The following AMOTL1 variants were observed in gnomAD, a reference collection of about 807,000 sequenced individuals.
The protein encoded by AMOTL1 is angiomotin-like protein 1.
A neutral mutation model predicts 102.9 loss-of-function variants in AMOTL1; 45 were observed. The observed-to-expected ratio is 0.44, with a 90% CI of 0.34 to 0.56. AMOTL1 has a LOEUF of 0.56. Among genes scored for constraint, AMOTL1 ranks in the 20% least tolerant of loss-of-function variants. The pLI is 0.01. For synonymous variants in AMOTL1, 481 were observed against 484.7 expected (o/e 0.99, Z 0.10); for missense variants, 1,114 against 1,225.6 (o/e 0.91, Z 1.36).
chr11:94,713,350 T>C (rs938090018), intron 1 of AMOTL1, among the ~76,000 whole-genome samples: 8 of 151,956 alleles, frequency 5.3e-5, no homozygotes, highest in Admixed American at 5.2e-4. Context: ...TCAAAAGTTT[T>C]AGAGATCCTT....
chr11:94,727,098 C>T (rs1391451579), intron 1 of AMOTL1, among the ~76,000 whole-genome samples: 1 of 152,152 alleles, frequency 6.6e-6, no homozygotes, highest in Non-Finnish European at 1.5e-5. Flanking sequence ...ACCTAGGCCA[C>T]TGGGCCAAGA....
At position 94,756,964 on chromosome 11, in the gene AMOTL1, T is replaced by C. The variant is rs1950733418; in HGVS notation, c.136+15976T>C. Reference sequence around the variant, plus strand: ...TTCATTTGGGTATAGTTATAATTACTAATTTACCTAAAATACCTAACCTAG... The same window carrying C: ...TTCATTTGGGTATAGTTATAATTACCAATTTACCTAAAATACCTAACCTAG... On this transcript the variant is annotated intron_variant, in intron 3 of 4. Coordinates refer to the AMOTL1 transcript ENST00000299004. Among the ~76,000 whole-genome samples, 4 of 147,092 alleles carry C rather than the reference T, an allele frequency of 2.7e-5. No homozygotes were observed. In the South Asian group the frequency reaches 9.1e-4, roughly 33 times the overall value.
chr11:94,870,599 G>A (rs1952978017), intron 12 of AMOTL1, 90 bp from the exon 13 acceptor site: 3 of 878,432 alleles, frequency 3.4e-6, no homozygotes, highest in African/African-American at 3.4e-5. Context: ...GGTGTGCAGT[G>A]GTATCGGACG....
intron 11 of AMOTL1, 49 bp downstream of exon 11, chr11:94,866,217 C>T: frequency 6.4e-7 from 1 of 1,564,798 alleles, no homozygotes; most frequent in East Asian, 2.3e-5. Flanking sequence ...CAAGACCAGA[C>T]AGCTTCTCTG....
chr11:94,822,967 C>T (rs1365059832), intron 4 of AMOTL1, among the ~76,000 whole-genome samples: 1 of 152,158 alleles, frequency 6.6e-6, no homozygotes, highest in Non-Finnish European at 1.5e-5. Flanking sequence ...CAATAAAGGG[C>T]TTCTGTAAAG....
At chr11:94,826,226 G>GATTCA (rs1951961227) in intron 4 of AMOTL1, among the ~76,000 whole-genome samples, 2 of 152,184 alleles carry the variant, frequency 1.3e-5, no homozygotes, top group Non-Finnish European at 2.9e-5. Flanking sequence ...CCAGGAGGTG[G>GATTCA]AGTTTGCAGT....
rs140086077 is a variant in AMOTL1, at chr11:94,785,042, A to G, written c.50-9969A>G. 1.1e-4 allele frequency among the ~76,000 whole-genome samples: 16 copies of G among 152,264 alleles called. No individual in the cohort carries two copies. In the East Asian group the frequency reaches 2.5e-3, roughly 24 times the overall value. On this transcript the variant is annotated intron_variant, in intron 1 of 12. Coordinates refer to ENST00000433060, the MANE Select transcript of AMOTL1 (RefSeq NM_130847.3). ...GTGATGAGGAAGGGTGGTTTCATCA[A>G]TTGTCTTGGTGTTCTGGTGTTTGGC...
upstream of AMOTL1, among the ~76,000 whole-genome samples, chr11:94,763,537 A>C (rs918877455): frequency 2.0e-5 from 3 of 152,094 alleles, no homozygotes; most frequent in Admixed American, 2.0e-4. Flanking sequence ...TCCAAATATA[A>C]CTTCTGACTC....
chr11:94,764,807 G>A (rs1950835975), upstream of AMOTL1, among the ~76,000 whole-genome samples: 1 of 152,174 alleles, frequency 6.6e-6, no homozygotes, highest in South Asian at 2.1e-4. Flanking sequence ...AGAAGAGGAG[G>A]GTTTCTAACT....
At chr11:94,722,483 TC>T (rs763643236) in intron 1 of AMOTL1, among the ~76,000 whole-genome samples, 59 of 152,146 alleles carry the variant, frequency 3.9e-4, no homozygotes, top group Non-Finnish European at 6.3e-4. Flanking sequence ...TCTCACTTAA[TC>T]CCTACCATAG....
At position 94,864,966 on chromosome 11, in the gene AMOTL1, G is replaced by A. The variant is rs578130878; in HGVS notation, c.2261+106G>A. The A allele has an allele frequency of 2.0e-4, 278 of 1,403,256 alleles. 1 individual carries two copies. The African/African-American group carries it at 3.8e-3, about 19-fold the overall frequency. The allele number at this position is 1,403,256 out of a possible 1,614,324, so 86.9% of individuals were successfully genotyped here. A position where few individuals can be genotyped will look rare whatever the true frequency, so the allele number is the denominator to read the frequency against. The stretch of plus-strand genomic sequence containing the variant: ...TGTTCTGAAAGGCTGTGAGCATGAG[G>A]TCTCCAAAAACTCTCCTCCCCCATG... On this transcript the variant is annotated intron_variant, in intron 10 of 12. Transcript: ENST00000433060.
rs141836845 is a variant in AMOTL1 at position 94,824,941 on chromosome 11, G to A, written c.1413+3120G>A. On this transcript the variant is annotated intron_variant, in intron 4 of 12. Transcript: ENST00000433060. ...TGCCAGGAACACAGCAGAAGAAAAC[G>A]ATTAAATTCAGAGACTATAAAATCC... is the stretch of plus-strand genomic sequence containing the variant. Among the ~76,000 whole-genome samples, 326 of 152,292 alleles carry A rather than the reference G, an allele frequency of 2.1e-3. 2 individuals are homozygous for A. Among genetic ancestry groups the A allele is most frequent in the African/African-American group, 7.5e-3 (312 of 41,554 alleles).
rs1333822834 is a variant in AMOTL1, at chr11:94,873,059, G to A, written c.*2264G>A. The A allele has an allele frequency of 6.6e-6, 1 of 152,046 alleles. No individual in the cohort carries two copies. The highest frequency in any genetic ancestry group is 2.4e-5 in the African/African-American group (1 of 41,400). The allele number at this position is 152,046 out of a possible 1,614,324, so 9.4% of individuals were successfully genotyped here. On this transcript the variant is annotated 3_prime_UTR_variant, in exon 13 of 13. Coordinates refer to ENST00000433060, the MANE Select transcript of AMOTL1 (RefSeq NM_130847.3). ...TCAGGTCTGGGCCACCCCAAACTTG[G>A]GCTGCCTCCCTTAGACATAGGTTAG...
intron 1 of AMOTL1, among the ~76,000 whole-genome samples, chr11:94,786,582 T>G (rs1440760990): frequency 2.6e-5 from 4 of 152,050 alleles, no homozygotes; most frequent in African/African-American, 4.8e-5. Context: ...TTTTCTTTTT[T>G]CTTTTTTTCT....
chr11:94,739,075 G>A (rs1950480333), intron 2 of AMOTL1, among the ~76,000 whole-genome samples: 1 of 152,200 alleles, frequency 6.6e-6, no homozygotes, highest in South Asian at 2.1e-4. Context: ...AAATGAGGTA[G>A]AACAACCAGA....
At chr11:94,831,983 GATCGCATTATAT>G (rs1952081098) in intron 6 of AMOTL1, among the ~76,000 whole-genome samples, 1 of 152,174 alleles carries the variant, frequency 6.6e-6, no homozygotes, top group Non-Finnish European at 1.5e-5. Flanking sequence ...CCATCTAAGT[GATCGCATTATAT>G]ATCTCCATGT....
intron 3 of AMOTL1, among the ~76,000 whole-genome samples, chr11:94,760,695 CTT>C (rs1565342073): frequency 6.6e-6 from 1 of 152,192 alleles, no homozygotes; most frequent in East Asian, 1.9e-4. Context: ...TAGTCTGCTC[CTT>C]TTTTTCATTG....
rs979884296 is a variant in AMOTL1, at chr11:94,833,194, T to C, written c.1648+1653T>C. Among the ~76,000 whole-genome samples, 8 of 152,246 alleles carry C rather than the reference T, an allele frequency of 5.3e-5. No homozygotes were observed. In the East Asian group the frequency reaches 1.5e-3, roughly 29 times the overall value. On this transcript the variant is annotated intron_variant, in intron 6 of 12. Coordinates refer to ENST00000433060, the MANE Select transcript of AMOTL1 (RefSeq NM_130847.3). ...CTTAAAGGATCTCAGTGTCGATATG[T>C]AATGTAATTGAATCTAGGCAGAGCA...
rs371806495 is a variant in AMOTL1, at chr11:94,799,921, C to T, written c.731C>T (p.Ala244Val). ...GTGAACCGTGCCAACAGTGGACAGG[C>T]GCATAAGGACGAGGCGCTGAAGGAA... ...PTVNRANSGQ[A>V]HKDEALKELK... Residue 244 changes from alanine to valine, a missense_variant, in exon 3 of 13, where the codon GCG becomes GTG. Ala to Val is a moderately conservative substitution (Grantham distance 64). Coordinates refer to ENST00000433060, the MANE Select transcript of AMOTL1 (RefSeq NM_130847.3). This position sits in a 1 kb window ranked among gnomAD's most constrained non-coding sequence, Gnocchi z 4.5. The T allele has an allele frequency of 8.9e-5, 144 of 1,610,464 alleles. No individual in the cohort carries two copies. Among genetic ancestry groups the T allele is most frequent in the Non-Finnish European group, 1.1e-4 (130 of 1,178,254 alleles).
Sources: allele counts gnomAD v4.1 joint callset (sites outside exome capture counted in the v4.1 genomes callset), GRCh38; gene constraint gnomAD v4.1.1; non-coding constraint Gnocchi (gnomAD v3.1); transcripts MANE v1.5; gene names NCBI Gene and HGNC (gene_info 2026-07-23, HGNC 2026-07-21).